Variants in SEMA3D observed in about 807,000 individuals in gnomAD.
SEMA3D encodes semaphorin-3D.
A neutral mutation model predicts 100.1 loss-of-function variants in SEMA3D; 84 were observed. The ratio of observed to expected loss-of-function variants is 0.84; its 90% CI spans 0.70 to 1.01. The LOEUF is 1.01. SEMA3D is among the 50% of genes least tolerant of loss of function. The pLI is 0.00. For missense variants in SEMA3D, 875 were observed against 934.1 expected (o/e 0.94, Z 0.82); for synonymous variants, 312 against 320.7 (o/e 0.97, Z 0.29).
At chr7:85,051,304 A>T (rs1299315061) in intron 9 of SEMA3D, among the ~76,000 whole-genome samples, 1 of 151,914 alleles carries the variant, frequency 6.6e-6, no homozygotes, top group Non-Finnish European at 1.5e-5. Flanking sequence ...AAAGTCATTG[A>T]TGATATCATT....
At chr7:85,200,038 G>T in the SEMA3D span, among the ~76,000 whole-genome samples, 2 of 152,170 alleles carry the variant, frequency 1.3e-5, no homozygotes, top group Non-Finnish European at 2.9e-5. Flanking sequence ...TGATTGTAAG[G>T]CTTTCCCACC....
At chr7:85,154,918 A>G (rs370293119) in intron 1 of SEMA3D, among the ~76,000 whole-genome samples, 1 of 152,212 alleles carries the variant, frequency 6.6e-6, no homozygotes, top group East Asian at 1.9e-4. Flanking sequence ...TTTTAAAGGT[A>G]TTCATTTAAA....
chr7:85,165,435 T>C (rs894681645), intron 1 of SEMA3D, among the ~76,000 whole-genome samples: 22 of 152,092 alleles, frequency 1.4e-4, no homozygotes, highest in Non-Finnish European at 3.1e-4. Context: ...AATAGTTTCA[T>C]GTGACTAAGA....
At chr7:85,147,909 C>T (rs2116481089) in intron 2 of SEMA3D, among the ~76,000 whole-genome samples, 1 of 152,254 alleles carries the variant, frequency 6.6e-6, no homozygotes, top group South Asian at 2.1e-4. Context: ...AGTCTTTCAA[C>T]TGGGAGTGCA....
At chr7:85,059,044 A>G (rs1225934906) in intron 8 of SEMA3D, among the ~76,000 whole-genome samples, 1 of 152,196 alleles carries the variant, frequency 6.6e-6, no homozygotes, top group Non-Finnish European at 1.5e-5. Context: ...TGATATTACA[A>G]CAATGAACAG....
chr7:85,178,618 A>G (rs1791306864), intron 1 of SEMA3D, among the ~76,000 whole-genome samples: 1 of 152,178 alleles, frequency 6.6e-6, no homozygotes, highest in South Asian at 2.1e-4. Context: ...GCTCAAGAGT[A>G]AACAGAGCAA....
intron 15 of SEMA3D, among the ~76,000 whole-genome samples, chr7:85,015,945 A>G (rs1383381728): frequency 6.6e-6 from 1 of 151,674 alleles, no homozygotes; most frequent in Non-Finnish European, 1.5e-5. Flanking sequence ...TGTGCCTTCA[A>G]AGAACTCATG....
chr7:85,003,868 G>A (rs1294266278), intron 18 of SEMA3D, among the ~76,000 whole-genome samples: 1 of 151,894 alleles, frequency 6.6e-6, no homozygotes, highest in African/African-American at 2.4e-5. Context: ...TTTGCCTCAG[G>A]GATTCATAAC....
chr7:85,154,206 T>A (rs1463918675), intron 1 of SEMA3D, among the ~76,000 whole-genome samples: 5 of 152,040 alleles, frequency 3.3e-5, no homozygotes, highest in African/African-American at 1.2e-4. Context: ...CTAAGGAATG[T>A]TCAGACACTA....
chr7:85,039,108 G>A (rs1283547929), intron 11 of SEMA3D, among the ~76,000 whole-genome samples: 1 of 152,140 alleles, frequency 6.6e-6, no homozygotes, highest in Non-Finnish European at 1.5e-5. Flanking sequence ...CAGAGCTGTG[G>A]AAAATGTGAA....
At chr7:85,240,218 T>A in the SEMA3D span, among the ~76,000 whole-genome samples, 1 of 152,130 alleles carries the variant, frequency 6.6e-6, no homozygotes, top group Non-Finnish European at 1.5e-5. Flanking sequence ...AGTGTTAGAT[T>A]TTTGTCAAGT....
chr7:85,103,951 A>T (rs1490601976), intron 3 of SEMA3D, among the ~76,000 whole-genome samples: 1 of 152,184 alleles, frequency 6.6e-6, no homozygotes, highest in Middle Eastern at 3.4e-3. Context: ...AAACAACATG[A>T]AATTTTCACG....
the SEMA3D span, among the ~76,000 whole-genome samples, chr7:85,246,749 T>G: frequency 6.6e-6 from 1 of 151,838 alleles, no homozygotes; most frequent in Non-Finnish European, 1.5e-5. Context: ...GACCTGGAAT[T>G]CCACTCTTTG....
chr7:85,139,106 G>T (rs1389887779), intron 2 of SEMA3D, among the ~76,000 whole-genome samples: 4 of 152,008 alleles, frequency 2.6e-5, no homozygotes, highest in African/African-American at 9.7e-5. Context: ...AAAAATAGGT[G>T]CAAGGACTGA....
At chr7:85,095,229 T>G (rs927602998) in intron 4 of SEMA3D, among the ~76,000 whole-genome samples, 1 of 152,012 alleles carries the variant, frequency 6.6e-6, no homozygotes, top group African/African-American at 2.4e-5. Flanking sequence ...AAAATGAATT[T>G]TGTGAAGGAT....
At chr7:85,167,555 C>T (rs1790942096) in intron 1 of SEMA3D, 1 of 191,848 alleles carries the variant, frequency 5.2e-6, no homozygotes, top group Admixed American at 6.6e-5. Flanking sequence ...CTTCAAGAAG[C>T]ATTATAAGCA....
At chr7:85,091,146 G>C (rs192582414) in intron 4 of SEMA3D, among the ~76,000 whole-genome samples, 19 of 141,164 alleles carry the variant, frequency 1.3e-4, no homozygotes, top group African/African-American at 5.3e-4. Flanking sequence ...AGGAAGGAAG[G>C]AAGGAGGGAA....
intron 12 of SEMA3D, among the ~76,000 whole-genome samples, chr7:85,027,521 G>T (rs1319619615): frequency 6.6e-6 from 1 of 151,964 alleles, no homozygotes; most frequent in Non-Finnish European, 1.5e-5. Context: ...ATTGGTGGTA[G>T]TTGAAAATAT....
At chr7:85,063,360 G>A (rs1791528202) in intron 8 of SEMA3D, among the ~76,000 whole-genome samples, 1 of 152,156 alleles carries the variant, frequency 6.6e-6, no homozygotes, top group South Asian at 2.1e-4. Context: ...TAAGCAGTCT[G>A]CCTTGAATCT....
Sources: gnomAD v4.1 joint callset for allele counts (sites outside exome capture counted in the v4.1 genomes callset) on GRCh38, gnomAD v4.1.1 for gene constraint, MANE v1.5 for transcripts, NCBI Gene and HGNC (gene_info 2026-07-23, HGNC 2026-07-21) for gene names.